Variants in FAM221A observed in about 807,000 individuals in gnomAD.
FAM221A encodes the protein protein FAM221A.
A neutral mutation model predicts 37.6 loss-of-function variants in FAM221A; 43 were observed. The ratio of observed to expected loss-of-function variants is 1.15; its 90% CI spans 0.90 to 1.48. The LOEUF (loss-of-function observed/expected upper bound fraction) is 1.48, where lower values mean the gene tolerates loss of function less well. Ranked by LOEUF, FAM221A falls within the 40% of genes most tolerant of loss-of-function variation. The pLI, the probability that FAM221A is intolerant of heterozygous loss-of-function variation, is 0.00. For synonymous variants in FAM221A, 135 were observed against 132.9 expected (o/e 1.02, Z -0.11); for missense variants, 361 against 361.5 (o/e 1.00, Z 0.01).
At position 23,702,228 on chromosome 7, in the gene FAM221A, A is replaced by G; in HGVS notation, c.*64A>G. ...TTTTCATGTTTATTTAAATGTAATA[A>G]TACAGTTTATTTTTCCTGAAATTAT... On this transcript the variant is annotated 3_prime_UTR_variant, in exon 7 of 7. Transcript: ENST00000344962. 1 of 1,019,454 alleles carries G rather than the reference A, an allele frequency of 9.8e-7. No individual in the cohort carries two copies. Among genetic ancestry groups the G allele is most frequent in the Admixed American group, 2.9e-5 (1 of 34,630 alleles). 63.2% of individuals were successfully genotyped at this position (1,019,454 alleles called of 1,614,324 possible). A position where few individuals can be genotyped will look rare whatever the true frequency, so the allele number is the denominator to read the frequency against.
chr7:23,702,257 CTTTT>C lies in FAM221A; in HGVS notation c.*101_*104del. On this transcript the variant is annotated 3_prime_UTR_variant, in exon 7 of 7. Coordinates refer to ENST00000344962, the MANE Select transcript of FAM221A (RefSeq NM_199136.5). ...AGTTTATTTTTCCTGAAATTATTTACTTTTTTTTTTTACTGTATAAATGTCTTTT... is the reference window on the plus strand; with the variant it reads ...AGTTTATTTTTCCTGAAATTATTTACTTTTTTTACTGTATAAATGTCTTTT... 1.6e-6 allele frequency: 1 copy of C among 613,076 alleles called. No individual in the cohort carries two copies. 38.0% of individuals were successfully genotyped at this position (613,076 alleles called of 1,614,324 possible).
chr7:23,690,726 A>T (rs773859086), intron 3 of FAM221A, among the ~76,000 whole-genome samples: 1 of 152,102 alleles, frequency 6.6e-6, no homozygotes, highest in Non-Finnish European at 1.5e-5. Flanking sequence ...ATTTCAGAAC[A>T]TTTTTCTCAC....
At chr7:23,698,424 AT>A in intron 5 of FAM221A, 125 bp downstream of exon 5, 1 of 646,588 alleles carries the variant, frequency 1.5e-6, no homozygotes, top group Non-Finnish European at 2.7e-6. Flanking sequence ...TTAAGCTATC[AT>A]TTTACTTTCT....
chr7:23,696,301 G>T (rs981478783), intron 4 of FAM221A, among the ~76,000 whole-genome samples: 1 of 152,258 alleles, frequency 6.6e-6, no homozygotes, highest in African/African-American at 2.4e-5. Flanking sequence ...GCTTATGCCT[G>T]TAATCCCAGC....
Position 23,684,617 on chromosome 7 carries a change from A to T in FAM221A, c.184A>T (p.Thr62Ser). ...NRLFVSWRSP[T>S]GMDCKLVGPE... is the part of the protein sequence containing the mutation. ...ATTATTTGTGAGCTGGCGGTCACCA[A>T]CAGGGATGGATTGTAAACTTGTGGG... The change falls in exon 2 of 7, where the codon ACA becomes TCA. Residue 62 changes from threonine (T) to serine (S), a missense_variant. Physicochemically the swap from Thr to Ser is moderately conservative, Grantham distance 58. Coordinates refer to ENST00000344962, the MANE Select transcript of FAM221A (RefSeq NM_199136.5). 1 of 1,614,134 alleles carries T rather than the reference A, an allele frequency of 6.2e-7. No homozygotes were observed. The highest frequency in any genetic ancestry group is 8.5e-7 in the Non-Finnish European group (1 of 1,180,000).
intron 4 of FAM221A, among the ~76,000 whole-genome samples, chr7:23,697,863 T>C (rs1280510489): frequency 6.6e-6 from 1 of 152,144 alleles, no homozygotes; most frequent in African/African-American, 2.4e-5. Flanking sequence ...ATGATCTTCC[T>C]GCTTTACCCT....
chr7:23,683,148 TG>T (rs1315497425), intron 1 of FAM221A, among the ~76,000 whole-genome samples: 2 of 152,244 alleles, frequency 1.3e-5, no homozygotes, highest in African/African-American at 4.8e-5. Flanking sequence ...CATCACTTTT[TG>T]TGACTTTTCA....
chr7:23,699,535 C>CTTTTTTTTTT (rs57930152), intron 5 of FAM221A, among the ~76,000 whole-genome samples: 1 of 64,162 alleles, frequency 1.6e-5, no homozygotes, highest in Non-Finnish European at 2.7e-5. Flanking sequence ...TCACCTTTTC[C>CTTTTTTTTTT]TTTTTTTTTT....
rs1458367397 is a variant in FAM221A, at chr7:23,691,605, T to C, written c.637+9T>C. The C allele has an allele frequency of 1.2e-6, 2 of 1,611,822 alleles. No individual in the cohort carries two copies. Among genetic ancestry groups the C allele is most frequent in the South Asian group, 1.1e-5 (1 of 90,996 alleles). On this transcript the variant is annotated intron_variant, in intron 4 of 6. Coordinates refer to ENST00000344962, the MANE Select transcript of FAM221A (RefSeq NM_199136.5). ...AGATGACAGTGGGATTGGTAAGTGA[T>C]ACTATATGAAATGTGAGCCCATTGT...
intron 3 of FAM221A, 64 bp downstream of exon 3, chr7:23,689,523 C>A: frequency 2.4e-6 from 3 of 1,263,744 alleles, no homozygotes; most frequent in Non-Finnish European, 2.1e-6. Context: ...GAATATTTAA[C>A]GTGCTTTTTT....
chr7:23,694,063 A>G (rs1386060950), intron 4 of FAM221A: 1 of 151,772 alleles, frequency 6.6e-6, no homozygotes, highest in Non-Finnish European at 1.5e-5. Context: ...TCACTGTTCA[A>G]CTCCCACTTG....
chr7:23,680,789 G>A (rs1783987233), intron 1 of FAM221A: 1 of 153,286 alleles, frequency 6.5e-6, no homozygotes, highest in South Asian at 2.0e-4. Flanking sequence ...CTGAGGACGC[G>A]GTTCATTGTC....
At chr7:23,696,585 A>G (rs751661225) in intron 4 of FAM221A, among the ~76,000 whole-genome samples, 5 of 152,136 alleles carry the variant, frequency 3.3e-5, no homozygotes, top group Non-Finnish European at 7.4e-5. Flanking sequence ...ATAAAATGTT[A>G]CACTTTTATA....
chr7:23,691,514 C>T lies in FAM221A; in HGVS notation c.555C>T (p.Asp185=), dbSNP rs773706453. 6.2e-7 allele frequency: 1 copy of T among 1,614,196 alleles called. No homozygotes were observed. Among genetic ancestry groups the T allele is most frequent in the Non-Finnish European group, 8.5e-7 (1 of 1,180,030 alleles). ...CTCAGGAAAAACCAGTGGGACAGGA[C>T]ATTCCTTATGCAGCCATGGGAGGAT... ...RLAQEKPVGQ[D]IPYAAMGGLT... Residue 185 remains aspartate (D), a synonymous_variant, in exon 4 of 7, where the codon GAC becomes GAT. Coordinates refer to ENST00000344962, the MANE Select transcript of FAM221A (RefSeq NM_199136.5).
intron 2 of FAM221A, chr7:23,686,247 T>C: frequency 2.3e-6 from 1 of 430,858 alleles, no homozygotes; most frequent in Non-Finnish European, 4.6e-6. Context: ...GACTTGAACG[T>C]CAGAATTGAT....
rs748202874 is a variant in FAM221A, at chr7:23,700,841, T to G, written c.801T>G (p.Ala267=). The G allele has an allele frequency of 6.2e-7, 1 of 1,609,538 alleles. No individual in the cohort carries two copies. Among genetic ancestry groups the G allele is most frequent in the Admixed American group, 1.7e-5 (1 of 58,792 alleles). The change falls in exon 6 of 7, where the codon GCT becomes GCG. Residue 267 remains alanine (A), a synonymous_variant. Coordinates refer to ENST00000344962, the MANE Select transcript of FAM221A (RefSeq NM_199136.5). ...SLRRPEEDDM[A]FFERRYQERM... ...GGAGACCTGAAGAGGATGATATGGCTTTCTTTGAAAGACGATACCAGGAAA... is the reference window on the plus strand; with the variant it reads ...GGAGACCTGAAGAGGATGATATGGCGTTCTTTGAAAGACGATACCAGGAAA...
chr7:23,680,555 C>G (rs530258650), intron 1 of FAM221A, among the ~76,000 whole-genome samples: 1 of 152,134 alleles, frequency 6.6e-6, no homozygotes, highest in African/African-American at 2.4e-5. Context: ...TAGATTGATA[C>G]AGAGGTCCAG....
rs1402395027 is a variant in FAM221A, at chr7:23,702,599, A to T, written c.*435A>T. 3 of 152,302 alleles carry T rather than the reference A, an allele frequency of 2.0e-5. No homozygotes were observed. Among genetic ancestry groups the T allele is most frequent in the African/African-American group, 7.2e-5 (3 of 41,472 alleles). The allele number at this position is 152,302 out of a possible 1,614,324, so 9.4% of individuals were successfully genotyped here. A position where few individuals can be genotyped will look rare whatever the true frequency, so the allele number is the denominator to read the frequency against. The stretch of plus-strand genomic sequence containing the variant: ...AATCATTAATTTTTTTATTTTTCAA[A>T]CTTTGTAATGTTATGTTTTCAAATA... On this transcript the variant is annotated 3_prime_UTR_variant, in exon 7 of 7. Coordinates refer to ENST00000344962, the MANE Select transcript of FAM221A (RefSeq NM_199136.5).
At chr7:23,686,356 T>G (rs1784370260) in intron 2 of FAM221A, 1 of 401,252 alleles carries the variant, frequency 2.5e-6, no homozygotes, top group Non-Finnish European at 5.0e-6. Context: ...CTCGACCTCC[T>G]GGGCTCAAGC....
Sources: gnomAD v4.1 joint callset for allele counts (sites outside exome capture counted in the v4.1 genomes callset) on GRCh38, gnomAD v4.1.1 for gene constraint, MANE v1.5 for transcripts, NCBI Gene and HGNC (gene_info 2026-07-23, HGNC 2026-07-21) for gene names.